SACM1L: variants seen among roughly 807,000 people sequenced by gnomAD.
SACM1L encodes SAC1 like phosphatidylinositide phosphatase.
SACM1L carries 32 observed loss-of-function variants against 89.5 expected under a neutral mutation model. The ratio of observed to expected loss-of-function variants is 0.36; its 90% CI spans 0.27 to 0.48. The LOEUF (loss-of-function observed/expected upper bound fraction) is 0.48, where lower values mean the gene tolerates loss of function less well. Among genes scored for constraint, SACM1L ranks in the 20% least tolerant of loss-of-function variants. The pLI is 0.99. For synonymous variants in SACM1L, 213 were observed against 232.8 expected, an observed-to-expected ratio of 0.92 and a Z score of 0.77; for missense variants, 543 against 708.5, an observed-to-expected ratio of 0.77 and a Z score of 2.65.
At chr3:45,702,060 C>G (rs570305567) in intron 1 of SACM1L, among the ~76,000 whole-genome samples, 82 of 152,274 alleles carry the variant, frequency 5.4e-4, no homozygotes, top group African/African-American at 1.7e-3. Context: ...GTATTTGAAG[C>G]AGATTTGCTT....
intron 1 of SACM1L, among the ~76,000 whole-genome samples, chr3:45,700,734 G>A (rs780872299): frequency 1.3e-5 from 2 of 152,112 alleles, no homozygotes; most frequent in Non-Finnish European, 2.9e-5. Context: ...TGCACTCACT[G>A]CACTCTGAAC....
chr3:45,736,377 A>T (rs1699197225), intron 14 of SACM1L, among the ~76,000 whole-genome samples: 1 of 152,204 alleles, frequency 6.6e-6, no homozygotes, highest in African/African-American at 2.4e-5. Context: ...CAATTTTTAA[A>T]TCACATTGGC....
intron 1 of SACM1L, among the ~76,000 whole-genome samples, chr3:45,693,889 C>T (rs1698061308): frequency 6.6e-6 from 1 of 152,058 alleles, no homozygotes; most frequent in Admixed American, 6.6e-5. Context: ...TCTTTTTAAG[C>T]CATTTGTATA....
chr3:45,699,734 C>A (rs1698223427), intron 1 of SACM1L, among the ~76,000 whole-genome samples: 1 of 152,148 alleles, frequency 6.6e-6, no homozygotes, highest in African/African-American at 2.4e-5. Context: ...GTCGGCCAGG[C>A]TGGACTCAAA....
intron 1 of SACM1L, among the ~76,000 whole-genome samples, chr3:45,700,826 C>T (rs2125684233): frequency 6.6e-6 from 1 of 152,286 alleles, no homozygotes; most frequent in South Asian, 2.1e-4. Flanking sequence ...CATGTACCAC[C>T]ATGGCCAGCT....
At position 45,743,806 on chromosome 3, in the gene SACM1L, G is replaced by C; in HGVS notation, c.*137G>C. ...AAAGCACATCTTGTGCTCCATGCAG[G>C]ATGATGACAGAATTGATCTGATGTT... On this transcript the variant is annotated 3_prime_UTR_variant, in exon 20 of 20. Coordinates refer to ENST00000389061, the MANE Select transcript of SACM1L (RefSeq NM_014016.5). The C allele has an allele frequency of 1.2e-6, 1 of 802,686 alleles. No homozygotes were observed. Among genetic ancestry groups the C allele is most frequent in the Non-Finnish European group, 1.9e-6 (1 of 527,266 alleles). The allele number at this position is 802,686 out of a possible 1,614,324, so 49.7% of individuals were successfully genotyped here.
At chr3:45,698,827 C>CGT (rs1448916735) in intron 1 of SACM1L, among the ~76,000 whole-genome samples, 3 of 152,020 alleles carry the variant, frequency 2.0e-5, no homozygotes, top group Non-Finnish European at 4.4e-5. Flanking sequence ...AGTGCAGTGG[C>CGT]GTGATCTCAG....
chr3:45,701,606 CT>C (rs768324905), intron 1 of SACM1L, among the ~76,000 whole-genome samples: 1 of 152,054 alleles, frequency 6.6e-6, no homozygotes, highest in Non-Finnish European at 1.5e-5. Context: ...CTTTTTATAG[CT>C]TTATTGAAGT....
At chr3:45,737,413 G>A in intron 14 of SACM1L, 170 bp from the exon 15 acceptor site, 1 of 665,532 alleles carries the variant, frequency 1.5e-6, no homozygotes, top group Non-Finnish European at 2.6e-6. Context: ...AGTCTGCCCT[G>A]GGCAGGAGAG....
chr3:45,742,814 C>A (rs1699344382), intron 19 of SACM1L: 1 of 152,130 alleles, frequency 6.6e-6, no homozygotes, highest in African/African-American at 2.4e-5. Flanking sequence ...AATATGGTGA[C>A]CTCTTTGAGC....
intron 14 of SACM1L, chr3:45,737,307 C>G: frequency 2.5e-6 from 1 of 407,126 alleles, no homozygotes; most frequent in South Asian, 4.4e-5. Context: ...AGCTTTCACT[C>G]TCTCTTCTGA....
At chr3:45,733,644 T>A in intron 13 of SACM1L, among the ~76,000 whole-genome samples, 1 of 152,230 alleles carries the variant, frequency 6.6e-6, no homozygotes, top group Non-Finnish European at 1.5e-5. Context: ...TTGCATTTTC[T>A]TCCTCCTTTT....
At chr3:45,708,826 C>T (rs1377097202) in intron 4 of SACM1L, among the ~76,000 whole-genome samples, 1 of 151,956 alleles carries the variant, frequency 6.6e-6, no homozygotes, top group East Asian at 1.9e-4. Flanking sequence ...AATGATTAAA[C>T]GTTACCAAAC....
chr3:45,695,086 C>A (rs889632641), intron 1 of SACM1L, among the ~76,000 whole-genome samples: 1 of 151,990 alleles, frequency 6.6e-6, no homozygotes, highest in Non-Finnish European at 1.5e-5. Flanking sequence ...TGAGGAGATA[C>A]CCAAAGGGAG....
chr3:45,743,964 A>G lies in SACM1L; in HGVS notation c.*295A>G. ...TGTTCATTGTATTCTATTGATTGTC[A>G]ATTTAATTAGCTGTTGCAGAATAAG... On this transcript the variant is annotated 3_prime_UTR_variant, in exon 20 of 20. Transcript: ENST00000389061. 4.3e-6 allele frequency: 1 copy of G among 233,192 alleles called. No homozygotes were observed. 14.4% of individuals were successfully genotyped at this position (233,192 alleles called of 1,614,324 possible). A position where few individuals can be genotyped will look rare whatever the true frequency, so the allele number is the denominator to read the frequency against.
chr3:45,697,861 A>G (rs1159677450), intron 1 of SACM1L, among the ~76,000 whole-genome samples: 2 of 152,180 alleles, frequency 1.3e-5, no homozygotes, highest in African/African-American at 4.8e-5. Context: ...CCTTTTTAGT[A>G]TACAGTATTA....
intron 1 of SACM1L, among the ~76,000 whole-genome samples, chr3:45,692,585 C>A: frequency 6.6e-6 from 1 of 152,244 alleles, no homozygotes; most frequent in Non-Finnish European, 1.5e-5. Flanking sequence ...GCTGGAATTA[C>A]TGGCATGAGC....
chr3:45,723,950 GCACA>G (rs762724452), intron 11 of SACM1L, among the ~76,000 whole-genome samples: 4 of 117,452 alleles, frequency 3.4e-5, no homozygotes, highest in South Asian at 5.1e-4. Flanking sequence ...ATGCATATAT[GCACA>G]CACACACACA....
chr3:45,706,654 C>T (rs1698402771), intron 3 of SACM1L, 126 bp from the exon 4 acceptor site: 2 of 656,550 alleles, frequency 3.0e-6, no homozygotes, highest in Non-Finnish European at 4.7e-6. Context: ...AAAAATGGGC[C>T]TTTTATCTGA....
Sources: gnomAD v4.1 joint callset for allele counts (sites outside exome capture counted in the v4.1 genomes callset) on GRCh38, gnomAD v4.1.1 for gene constraint, MANE v1.5 for transcripts, NCBI Gene and HGNC (gene_info 2026-07-23, HGNC 2026-07-21) for gene names.